PPARG: variants seen among roughly 807,000 people sequenced by gnomAD.
PPARG encodes the protein peroxisome proliferator-activated receptor gamma.
PPARG carries 17 observed loss-of-function variants against 39.2 expected under a neutral mutation model. That is an observed-to-expected ratio of 0.43 (90% CI 0.30 to 0.65). The LOEUF is 0.65. PPARG is among the 30% of genes least tolerant of loss of function. PPARG has a pLI of 0.13. For synonymous variants in PPARG, 223 were observed against 215.7 expected, an observed-to-expected ratio of 1.03 and a Z score of -0.30; for missense variants, 406 against 585.9, an observed-to-expected ratio of 0.69 and a Z score of 3.17.
chr3:12,344,294 C>T (rs958605423), intron 2 of PPARG, among the ~76,000 whole-genome samples: 2 of 152,122 alleles, frequency 1.3e-5, no homozygotes, highest in African/African-American at 4.8e-5. Context: ...TTCAAGTCTT[C>T]TTACTTTTAC....
chr3:12,291,227 C>T (rs1334250203), intron 1 of PPARG, among the ~76,000 whole-genome samples: 1 of 152,104 alleles, frequency 6.6e-6, no homozygotes, highest in East Asian at 1.9e-4. Flanking sequence ...CTTATTTTTC[C>T]TGGTAGATCT....
At chr3:12,375,278 A>G (rs1380697263) in intron 2 of PPARG, among the ~76,000 whole-genome samples, 1 of 152,130 alleles carries the variant, frequency 6.6e-6, no homozygotes, top group Non-Finnish European at 1.5e-5. Context: ...GAGGAAAGAA[A>G]GCAGCATGGC....
At chr3:12,325,063 G>C (rs949158368) in intron 2 of PPARG, among the ~76,000 whole-genome samples, 1 of 151,782 alleles carries the variant, frequency 6.6e-6, no homozygotes, top group Non-Finnish European at 1.5e-5. Flanking sequence ...GAGGCGGGCG[G>C]ATCACTTGAG....
chr3:12,329,166 CA>C (rs35196430), intron 2 of PPARG, among the ~76,000 whole-genome samples: 80,240 of 125,342 alleles, frequency 0.64, 23,455 homozygotes, highest in Admixed American at 0.69. Flanking sequence ...ACTCAAAATG[CA>C]AAAAAAAAAA....
intron 2 of PPARG, among the ~76,000 whole-genome samples, chr3:12,323,911 C>T (rs1574989780): frequency 6.6e-6 from 1 of 152,168 alleles, no homozygotes; most frequent in East Asian, 1.9e-4. Flanking sequence ...ATTTGGGCAG[C>T]GAGTAGGACA....
intron 2 of PPARG, among the ~76,000 whole-genome samples, chr3:12,333,144 A>AAAACAAAC (rs145389985): frequency 2.0e-5 from 3 of 152,128 alleles, no homozygotes; most frequent in Non-Finnish European, 2.9e-5. Flanking sequence ...GGGCCTTGTA[A>AAAACAAAC]AAACAAACAA....
chr3:12,422,818 G>A (rs1350122781), intron 7 of PPARG, among the ~76,000 whole-genome samples: 1 of 151,590 alleles, frequency 6.6e-6, no homozygotes, highest in Non-Finnish European at 1.5e-5. Context: ...GGAATTTGAG[G>A]CTCCAGTGAG....
intron 7 of PPARG, among the ~76,000 whole-genome samples, chr3:12,418,427 C>CG (rs2051151590): frequency 6.6e-6 from 1 of 152,072 alleles, no homozygotes; most frequent in Non-Finnish European, 1.5e-5. Context: ...AAAAACCCGT[C>CG]GGGGGATAGT....
rs374670864 is a variant in PPARG, at chr3:12,392,625, G to T, written c.402G>T (p.Arg134=). The T allele has an allele frequency of 5.3e-5, 85 of 1,613,804 alleles. No individual in the cohort carries two copies. The highest frequency in any genetic ancestry group is 3.3e-4 in the Middle Eastern group (2 of 6,060). ...TTATCCCTTTGCAGGGTTTCTTCCG[G>T]AGAACAATCAGATTGAAGCTTATCT... ...HACEGCKGFF[R]RTIRLKLIYD... The change falls in exon 5 of 8, where the codon CGG becomes CGT. Residue 134 remains arginine, a synonymous_variant. Transcript: ENST00000651735.
chr3:12,434,196 T>A lies in PPARG; in HGVS notation c.*51T>A. On this transcript the variant is annotated 3_prime_UTR_variant, in exon 8 of 8. Coordinates refer to ENST00000651735, the MANE Select transcript of PPARG (RefSeq NM_138711.6). The surrounding 1 kb of genome is among the most constrained non-coding windows in gnomAD (Gnocchi z 4.2). ...ATTTCCCTTCTTCCAGTTGCACTAT[T>A]CTGAGGGAAAATCTGACACCTAAGA... The A allele has an allele frequency of 6.2e-7, 1 of 1,612,388 alleles. No individual in the cohort carries two copies. Among genetic ancestry groups the A allele is most frequent in the Non-Finnish European group, 8.5e-7 (1 of 1,178,866 alleles).
chr3:12,288,795 A>AC (rs919124031), upstream of PPARG: 6 of 151,668 alleles, frequency 4.0e-5, no homozygotes, highest in African/African-American at 1.5e-4. Context: ...CGCAGCCAGG[A>AC]CCCCCAGCCG....
chr3:12,417,233 G>A (rs2051094335), intron 7 of PPARG, 79 bp downstream of exon 7: 7 of 1,394,462 alleles, frequency 5.0e-6, no homozygotes, highest in East Asian at 4.8e-5. Flanking sequence ...GATTTCCTTA[G>A]TGTTAGTCTG....
At chr3:12,287,843 CCCA>C, upstream of PPARG, 1 of 138,872 alleles carries the variant, frequency 7.2e-6, no homozygotes, top group African/African-American at 2.6e-5. Flanking sequence ...CACCCCCACC[CCCA>C]GCCGGCGCCC....
At chr3:12,384,486 G>A (rs745452576) in intron 4 of PPARG, among the ~76,000 whole-genome samples, 3 of 152,066 alleles carry the variant, frequency 2.0e-5, no homozygotes, top group African/African-American at 4.8e-5. Context: ...TTCTTAGTAT[G>A]TACCAGATAC....
At chr3:12,308,136 G>C (rs772429997) in intron 1 of PPARG, among the ~76,000 whole-genome samples, 1 of 151,944 alleles carries the variant, frequency 6.6e-6, no homozygotes, top group Non-Finnish European at 1.5e-5. Context: ...AGGCCAAGGC[G>C]GGTTAGAGAT....
intron 1 of PPARG, among the ~76,000 whole-genome samples, chr3:12,295,897 G>A (rs1002596957): frequency 6.6e-6 from 1 of 152,070 alleles, no homozygotes; most frequent in African/African-American, 2.4e-5. Flanking sequence ...TTGAAGGCAG[G>A]TACTGACTGA....
At chr3:12,353,905 GCCAGACTTAGT>G (rs2048572665) in intron 2 of PPARG, among the ~76,000 whole-genome samples, 1 of 152,196 alleles carries the variant, frequency 6.6e-6, no homozygotes, top group Non-Finnish European at 1.5e-5. Context: ...TGCTTTTAGT[GCCAGACTTAGT>G]CCTGTGTGAA....
chr3:12,332,527 G>A, intron 2 of PPARG, among the ~76,000 whole-genome samples: 1 of 152,156 alleles, frequency 6.6e-6, no homozygotes, highest in South Asian at 2.1e-4. Flanking sequence ...GTTTTTAATA[G>A]TTAATCACAG....
At chr3:12,344,238 C>T (rs982094938) in intron 2 of PPARG, among the ~76,000 whole-genome samples, 1 of 152,150 alleles carries the variant, frequency 6.6e-6, no homozygotes, top group Non-Finnish European at 1.5e-5. Flanking sequence ...AGCGTAGGCA[C>T]TCAATAAATG....
Sources: allele counts gnomAD v4.1 joint callset (sites outside exome capture counted in the v4.1 genomes callset), GRCh38; gene constraint gnomAD v4.1.1; non-coding constraint Gnocchi (gnomAD v3.1); transcripts MANE v1.5; gene names NCBI Gene and HGNC (gene_info 2026-07-23, HGNC 2026-07-21).